SEPTIN9: variants seen among roughly 807,000 people sequenced by gnomAD.
SEPTIN9 encodes septin-9.
A neutral mutation model predicts 56.6 loss-of-function variants in SEPTIN9; 13 were observed. The ratio of observed to expected loss-of-function variants is 0.23; its 90% CI spans 0.15 to 0.37. SEPTIN9 has a LOEUF of 0.37. SEPTIN9 is among the 10% of genes least tolerant of loss of function. SEPTIN9 has a pLI of 1.00. For missense variants in SEPTIN9, 650 were observed against 823.1 expected (o/e 0.79, Z 2.57); for synonymous variants, 332 against 334.1 (o/e 0.99, Z 0.07).
chr17:77,491,934 C>T (rs909686642), intron 8 of SEPTIN9, among the ~76,000 whole-genome samples: 1 of 152,132 alleles, frequency 6.6e-6, no homozygotes, highest in South Asian at 2.1e-4. Context: ...TGGGCTCTTC[C>T]TCCTGACAGG....
At chr17:77,489,640 G>A (rs1420009907) in intron 7 of SEPTIN9, among the ~76,000 whole-genome samples, 1 of 152,190 alleles carries the variant, frequency 6.6e-6, no homozygotes, top group East Asian at 1.9e-4. Context: ...TCCCTGGGCG[G>A]AGGAAGCCCA....
chr17:77,423,098 T>C lies in SEPTIN9; in HGVS notation c.721+20395T>C, dbSNP rs55659252. Among the ~76,000 whole-genome samples, 443 of 152,192 alleles carry C rather than the reference T, an allele frequency of 2.9e-3. 1 individual carries two copies. The highest frequency in any genetic ancestry group is 9.8e-3 in the African/African-American group (409 of 41,532). On this transcript the variant is annotated intron_variant, in intron 3 of 11. Coordinates refer to ENST00000427177, the MANE Select transcript of SEPTIN9 (RefSeq NM_001113491.2). ...TCATCCAGGCTGAAGTACAATGGTG[T>C]GATATCCACTCATGGCAACCTCCAC...
chr17:77,424,058 G>A (rs1431271735), intron 3 of SEPTIN9, among the ~76,000 whole-genome samples: 2 of 152,240 alleles, frequency 1.3e-5, no homozygotes, highest in African/African-American at 4.8e-5. Context: ...CAAGGAGGCT[G>A]TCATTCCACC....
chr17:77,488,000 C>T lies in SEPTIN9; in HGVS notation c.1043-240C>T, dbSNP rs1038521412. ...CAGTGTCCCGGACCCCTGTGGGCCC[C>T]GTCACACTGAGCTCCCCACAGACAA... On this transcript the variant is annotated intron_variant, in intron 5 of 11. Transcript: ENST00000427177. This position sits in a 1 kb window ranked among gnomAD's most constrained non-coding sequence, Gnocchi z 4.3. Among the ~76,000 whole-genome samples, 9 of 152,336 alleles carry T rather than the reference C, an allele frequency of 5.9e-5. No individual in the cohort carries two copies. In the South Asian group the frequency reaches 6.2e-4, roughly 11 times the overall value.
Position 77,475,790 on chromosome 17 carries a change from G to A in SEPTIN9, c.722-6354G>A. 2 of 1,613,392 alleles carry A rather than the reference G, an allele frequency of 1.2e-6. No homozygotes were observed. The highest frequency in any genetic ancestry group is 1.7e-6 in the Non-Finnish European group (2 of 1,179,886). On this transcript the variant is annotated intron_variant, in intron 3 of 11. Transcript: ENST00000427177. This position sits in a 1 kb window ranked among gnomAD's most constrained non-coding sequence, Gnocchi z 4.6. ...GGGCCTGGAAGGCTGACAGGGTGTG[G>A]TGAGTGCCACCGGCTCCCCTGCCGT...
intron 1 of SEPTIN9, among the ~76,000 whole-genome samples, chr17:77,297,929 A>G (rs557711844): frequency 1.3e-5 from 2 of 152,322 alleles, no homozygotes; most frequent in Non-Finnish European, 2.9e-5. Flanking sequence ...TTGGGAAGAC[A>G]GGAAGGAGCC....
At chr17:77,302,534 C>T (rs527367018) in intron 1 of SEPTIN9, among the ~76,000 whole-genome samples, 221 of 150,306 alleles carry the variant, frequency 1.5e-3, no homozygotes, top group African/African-American at 5.3e-3. Flanking sequence ...AAAAATTAGC[C>T]GGGCGTGGTA....
chr17:77,307,046 G>T, intron 1 of SEPTIN9, 95 bp from the exon 2 acceptor site: 1 of 1,192,540 alleles, frequency 8.4e-7, no homozygotes, highest in South Asian at 1.2e-5. Context: ...CTCACAGCAG[G>T]AGCAAAGGCG....
At chr17:77,411,017 G>A (rs940885765) in intron 3 of SEPTIN9, among the ~76,000 whole-genome samples, 3 of 151,882 alleles carry the variant, frequency 2.0e-5, no homozygotes, top group African/African-American at 4.8e-5. Context: ...CCCAGGAGGC[G>A]GAGGTTGCAG....
In SEPTIN9 at chr17:77,434,274, C is replaced by G. The variant is rs890059992; in HGVS notation, c.721+31571C>G. ...AGGCCCAGCCCCAGCCCCTGTCAGA[C>G]TTACCCTCCTTGTGCCTCCGTTCAC... On this transcript the variant is annotated intron_variant, in intron 3 of 11. Coordinates refer to ENST00000427177, the MANE Select transcript of SEPTIN9 (RefSeq NM_001113491.2). This position sits in a 1 kb window ranked among gnomAD's most constrained non-coding sequence, Gnocchi z 5.0. Among the ~76,000 whole-genome samples, 4 of 152,164 alleles carry G rather than the reference C, an allele frequency of 2.6e-5. No individual in the cohort carries two copies. Among genetic ancestry groups the G allele is most frequent in the African/African-American group, 9.7e-5 (4 of 41,448 alleles).
At position 77,329,480 on chromosome 17, in the gene SEPTIN9, C is replaced by T. The variant is rs1179767770; in HGVS notation, c.76+22283C>T. Among the ~76,000 whole-genome samples the T allele has an allele frequency of 6.6e-6, 1 of 152,190 alleles. No individual in the cohort carries two copies. The highest frequency in any genetic ancestry group is 1.9e-4 in the East Asian group (1 of 5,194). ...CAGTGGTCCTGGCTGTGGTTTGGTA[C>T]ACTTGGCCGTGGGTGAGGCCAAGGT... is the stretch of plus-strand genomic sequence containing the variant. On this transcript the variant is annotated intron_variant, in intron 2 of 11. Transcript: ENST00000427177. This position sits in a 1 kb window ranked among gnomAD's most constrained non-coding sequence, Gnocchi z 4.3.
At position 77,487,698 on chromosome 17, in the gene SEPTIN9, G is replaced by A. The variant is rs550401261; in HGVS notation, c.1042+146G>A. ...CCTCTGCCTTCCTGGAGCACAGAGT[G>A]GGGGGTCAAGACCATCACACACAGT... On this transcript the variant is annotated intron_variant, in intron 5 of 11. Transcript: ENST00000427177. The surrounding 1 kb of genome is among the most constrained non-coding windows in gnomAD (Gnocchi z 4.3). 1.5e-5 allele frequency: 8 copies of A among 543,618 alleles called. 2 individuals carry two copies. Among genetic ancestry groups the A allele is most frequent in the South Asian group, 2.2e-5 (1 of 45,062 alleles). The allele number at this position is 543,618 out of a possible 1,614,324, so 33.7% of individuals were successfully genotyped here.
rs1044930531 is a variant in SEPTIN9 at position 77,498,851 on chromosome 17, G to A, written c.*193G>A. ...TCAGTGATGAGGCCGCGGCCTCCCCGAGGTTGTGGGGAGGCTGCACTGGAG... is the reference window on the plus strand; with the variant it reads ...TCAGTGATGAGGCCGCGGCCTCCCCAAGGTTGTGGGGAGGCTGCACTGGAG... On this transcript the variant is annotated 3_prime_UTR_variant, in exon 12 of 12. Coordinates refer to ENST00000427177, the MANE Select transcript of SEPTIN9 (RefSeq NM_001113491.2). 16 of 622,820 alleles carry A rather than the reference G, an allele frequency of 2.6e-5. No individual in the cohort carries two copies. The highest frequency in any genetic ancestry group is 1.5e-4 in the Admixed American group (7 of 47,272). The allele number at this position is 622,820 out of a possible 1,614,324, so 38.6% of individuals were successfully genotyped here. A position where few individuals can be genotyped will look rare whatever the true frequency, so the allele number is the denominator to read the frequency against.
intron 3 of SEPTIN9, among the ~76,000 whole-genome samples, chr17:77,409,980 G>A (rs917881955): frequency 6.6e-6 from 1 of 152,200 alleles, no homozygotes; most frequent in African/African-American, 2.4e-5. Flanking sequence ...ATTTCTGAGA[G>A]CTGCAGGGAG....
At position 77,323,480 on chromosome 17, in the gene SEPTIN9, G is replaced by C. The variant is rs901952134; in HGVS notation, c.76+16283G>C. On this transcript the variant is annotated intron_variant, in intron 2 of 11. Transcript: ENST00000427177. This position sits in a 1 kb window ranked among gnomAD's most constrained non-coding sequence, Gnocchi z 6.8. ...AGGCCACGAGGGAGGGCTGCAGGCAGGGGAAGTGGCCGTCTGTGCATGGTC... is the reference window on the plus strand; with the variant it reads ...AGGCCACGAGGGAGGGCTGCAGGCACGGGAAGTGGCCGTCTGTGCATGGTC... Among the ~76,000 whole-genome samples, 1 of 152,318 alleles carries C rather than the reference G, an allele frequency of 6.6e-6. No individual in the cohort carries two copies. The highest frequency in any genetic ancestry group is 2.1e-4 in the South Asian group (1 of 4,832).
At position 77,330,368 on chromosome 17, in the gene SEPTIN9, T is replaced by C. The variant is rs1598203532; in HGVS notation, c.76+23171T>C. On this transcript the variant is annotated intron_variant, in intron 2 of 11. Transcript: ENST00000427177. This position sits in a 1 kb window ranked among gnomAD's most constrained non-coding sequence, Gnocchi z 4.4. ...CCCTCAAGGTGTGGATGGCAGGAGG[T>C]GGTGAGACAGGGACTCATTGATCAT... is the stretch of plus-strand genomic sequence containing the variant. Among the ~76,000 whole-genome samples, 1 of 151,876 alleles carries C rather than the reference T, an allele frequency of 6.6e-6. No homozygotes were observed. Among genetic ancestry groups the C allele is most frequent in the African/African-American group, 2.4e-5 (1 of 41,310 alleles).
chr17:77,409,213 T>G (rs1216191888), intron 3 of SEPTIN9, among the ~76,000 whole-genome samples: 1 of 152,160 alleles, frequency 6.6e-6, no homozygotes, highest in Non-Finnish European at 1.5e-5. Flanking sequence ...ACAAGTACCC[T>G]CCTTCTCCGA....
In SEPTIN9 at chr17:77,316,235, CG is replaced by C. The variant is rs1362997921; in HGVS notation, c.76+9040del. ...GCCCCCTTAGTGCTTACACCATGCG[CG>C]GTGAGAGGTTGGCCCTCGCCTCCCC... On this transcript the variant is annotated intron_variant, in intron 2 of 11. Coordinates refer to ENST00000427177, the MANE Select transcript of SEPTIN9 (RefSeq NM_001113491.2). 2.0e-5 allele frequency among the ~76,000 whole-genome samples: 3 copies of C among 152,290 alleles called. No homozygotes were observed. The East Asian group carries it at 5.8e-4, about 29-fold the overall frequency.
intron 8 of SEPTIN9, among the ~76,000 whole-genome samples, chr17:77,491,580 A>G (rs2040028881): frequency 1.3e-5 from 2 of 151,472 alleles, no homozygotes; most frequent in Non-Finnish European, 2.9e-5. Context: ...TGGGAGGCCG[A>G]GGCGGGCAGA....
Sources: allele counts gnomAD v4.1 joint callset (sites outside exome capture counted in the v4.1 genomes callset), GRCh38; gene constraint gnomAD v4.1.1; non-coding constraint Gnocchi (gnomAD v3.1); transcripts MANE v1.5; gene names NCBI Gene and HGNC (gene_info 2026-07-23, HGNC 2026-07-21).